The following RRM2 variants were observed in gnomAD, a reference collection of about 807,000 sequenced individuals.
RRM2 encodes ribonucleotide reductase regulatory subunit M2.
RRM2 carries 6 observed loss-of-function variants against 45.9 expected under a neutral mutation model. The observed-to-expected ratio is 0.13, with a 90% confidence interval of 0.07 to 0.26. RRM2 has a LOEUF of 0.26. RRM2 is among the 10% of genes least tolerant of loss of function. RRM2 has a pLI of 1.00. For synonymous variants in RRM2, 177 were observed against 173.0 expected (o/e 1.02, Z -0.18); for missense variants, 343 against 489.5 (o/e 0.70, Z 2.82).
chr2:10,194,777 C>G (rs968779362), intron 3 of RRM2, among the ~76,000 whole-genome samples: 34 of 152,254 alleles, frequency 2.2e-4, no homozygotes, highest in African/African-American at 7.5e-4. Flanking sequence ...ACCAGCCCCA[C>G]TGTCCTGTCC....
chr2:10,179,662 G>A (rs72788324), intron 3 of RRM2, among the ~76,000 whole-genome samples: 39,192 of 152,126 alleles, frequency 0.26, 6,170 homozygotes, highest in Non-Finnish European at 0.36. Context: ...AATTGGCAGC[G>A]TGGCTGAGTG....
intron 3 of RRM2, among the ~76,000 whole-genome samples, chr2:10,202,494 A>G (rs755593316): frequency 2.0e-4 from 30 of 152,146 alleles, no homozygotes; most frequent in Non-Finnish European, 3.7e-4. Flanking sequence ...TCTCAGGGGC[A>G]CTCTCTCTTA....
chr2:10,189,646 G>A (rs1236385057), intron 3 of RRM2, among the ~76,000 whole-genome samples: 1 of 152,256 alleles, frequency 6.6e-6, no homozygotes, highest in African/African-American at 2.4e-5. Context: ...GTGGGCAGCA[G>A]TGTGAAACTG....
chr2:10,122,962 C>T, intron 1 of RRM2, 21 bp from the exon 2 acceptor site: 1 of 1,548,062 alleles, frequency 6.5e-7, no homozygotes, highest in Non-Finnish European at 8.7e-7. Flanking sequence ...CCGCTCCTCA[C>T]TCACACGCGT....
At chr2:10,170,004 C>T (rs548410952) in intron 3 of RRM2, among the ~76,000 whole-genome samples, 30 of 152,288 alleles carry the variant, frequency 2.0e-4, no homozygotes, top group African/African-American at 4.6e-4. Flanking sequence ...AGCTAGGCCA[C>T]GGGAGCAGCT....
chr2:10,142,401 G>T, intron 3 of RRM2: 4 of 1,368,636 alleles, frequency 2.9e-6, no homozygotes, highest in Middle Eastern at 2.1e-4. Flanking sequence ...AACTCGCACG[G>T]TGGGGGAAGA....
intron 3 of RRM2, among the ~76,000 whole-genome samples, chr2:10,192,972 C>T (rs927661596): frequency 6.6e-6 from 1 of 152,212 alleles, no homozygotes; most frequent in Non-Finnish European, 1.5e-5. Flanking sequence ...CAGGGTCCTC[C>T]TTCAGACTCC....
rs146084933 is a variant in RRM2, at chr2:10,167,532, C to G, written n.482+25157C>G. On this transcript the variant is annotated intron_variant and non_coding_transcript_variant, in intron 3 of 3. Transcript: ENST00000381786. ...ACGCTGCGCCCTGCCTTGCTTCTTTCTCTCCTCTCAGGCTGTGTGTAGTCC... is the reference window on the plus strand; with the variant it reads ...ACGCTGCGCCCTGCCTTGCTTCTTTGTCTCCTCTCAGGCTGTGTGTAGTCC... 3.2e-3 allele frequency among the ~76,000 whole-genome samples: 494 copies of G among 152,274 alleles called. 3 individuals carry two copies. The highest frequency in any genetic ancestry group is 0.011 in the African/African-American group (451 of 41,554).
At chr2:10,201,165 A>AG (rs778170980) in intron 3 of RRM2, among the ~76,000 whole-genome samples, 5 of 151,730 alleles carry the variant, frequency 3.3e-5, no homozygotes, top group South Asian at 4.2e-4. Context: ...AAAAAAAAGA[A>AG]AGAAAGAAAG....
intron 3 of RRM2, among the ~76,000 whole-genome samples, chr2:10,158,642 G>T (rs1031761255): frequency 6.6e-6 from 1 of 152,126 alleles, no homozygotes; most frequent in African/African-American, 2.4e-5. Context: ...GAATACAATT[G>T]CAGTGTCTGT....
intron 4 of RRM2, chr2:10,124,082 CT>C: frequency 2.0e-6 from 1 of 490,488 alleles, no homozygotes. Context: ...TGTGATGACT[CT>C]TTGTGGCCAC....
At chr2:10,122,658 G>A (rs1428790346), upstream of RRM2, 1 of 1,549,058 alleles carries the variant, frequency 6.5e-7, no homozygotes, top group Admixed American at 2.0e-5. Flanking sequence ...AATGGGAAGG[G>A]CCGGGGCACC....
At chr2:10,151,375 AC>A (rs1426748479) in intron 3 of RRM2, among the ~76,000 whole-genome samples, 2 of 146,550 alleles carry the variant, frequency 1.4e-5, no homozygotes, top group African/African-American at 2.5e-5. Flanking sequence ...TTGGCTCACT[AC>A]AGCCTCTGCC....
rs1042760694 is a variant in RRM2 at position 10,129,134 on chromosome 2, C to T, written c.997C>T (p.Leu333=). The part of the protein sequence containing the change: ...YIEFVADRLM[L]ELGFSKVFRV... The stretch of plus-strand genomic sequence containing the variant: ...TGAGTTTGTGGCAGACAGACTTATG[C>T]TGGAACTGGGTTTTAGCAAGGTAAA... The change falls in exon 9 of 10, where the codon CTG becomes TTG. Residue 333 remains leucine (L), a synonymous_variant. Coordinates refer to ENST00000304567, the MANE Select transcript of RRM2 (RefSeq NM_001034.4). This position sits in a 1 kb window ranked among gnomAD's most constrained non-coding sequence, Gnocchi z 4.8. The T allele has an allele frequency of 6.2e-7, 1 of 1,614,132 alleles. No individual in the cohort carries two copies.
At chr2:10,175,238 ACT>A (rs1663891979) in intron 3 of RRM2, among the ~76,000 whole-genome samples, 1 of 151,898 alleles carries the variant, frequency 6.6e-6, no homozygotes. Context: ...CCACACTCAC[ACT>A]CTCTTCAGTA....
At chr2:10,138,855 C>A (rs1663034219), upstream of RRM2, among the ~76,000 whole-genome samples, 1 of 152,112 alleles carries the variant, frequency 6.6e-6, no homozygotes, top group East Asian at 1.9e-4. Flanking sequence ...CGCCTGTAAT[C>A]CCAACACTTT....
upstream of RRM2, among the ~76,000 whole-genome samples, chr2:10,139,890 C>A (rs923354237): frequency 5.9e-5 from 9 of 152,186 alleles, no homozygotes; most frequent in Non-Finnish European, 1.0e-4. Flanking sequence ...AGGAAATAGC[C>A]CGTGGGTGGG....
chr2:10,210,515 T>C, exon 4 of RRM2: 2 of 1,367,472 alleles, frequency 1.5e-6, no homozygotes, highest in Non-Finnish European at 2.0e-6. Flanking sequence ...GGCTCCAAGC[T>C]TCAGCATATC....
exon 4 of RRM2, chr2:10,210,710 C>A (rs971625877): frequency 3.1e-5 from 30 of 971,800 alleles, no homozygotes; most frequent in Non-Finnish European, 4.3e-5. Context: ...GTGATGTGAG[C>A]CCACAGGGTG....
Sources: gnomAD v4.1 joint callset for allele counts (sites outside exome capture counted in the v4.1 genomes callset) on GRCh38, gnomAD v4.1.1 for gene constraint, Gnocchi (gnomAD v3.1) non-coding constraint, MANE v1.5 for transcripts, NCBI Gene and HGNC (gene_info 2026-07-23, HGNC 2026-07-21) for gene names.